ATF3: variants seen among roughly 807,000 people sequenced by gnomAD.
ATF3 encodes the protein activating transcription factor 3.
Under a neutral mutation model 18.4 loss-of-function variants are expected in ATF3, and 10 were observed. The observed-to-expected ratio is 0.54, with a 90% CI of 0.34 to 0.92. ATF3 has a LOEUF of 0.92. ATF3 is among the 40% of genes least tolerant of loss of function. The pLI is 0.02. For synonymous variants in ATF3, 78 were observed against 87.9 expected (o/e 0.89, Z 0.63); for missense variants, 183 against 222.3 (o/e 0.82, Z 1.12).
chr1:212,570,695 C>T (rs1273965150), intron 1 of ATF3, among the ~76,000 whole-genome samples: 3 of 152,084 alleles, frequency 2.0e-5, no homozygotes, highest in Non-Finnish European at 4.4e-5. Context: ...TGTTTTTGAC[C>T]TTTATATGGA....
At chr1:212,582,480 A>G (rs1664700588) in intron 1 of ATF3, among the ~76,000 whole-genome samples, 1 of 152,248 alleles carries the variant, frequency 6.6e-6, no homozygotes. Context: ...TCTCCCCCAC[A>G]AAGCTCTATT....
chr1:212,618,832 G>C lies in ATF3; in HGVS notation c.349-526G>C. The stretch of plus-strand genomic sequence containing the variant: ...GTGGTGCTCAGCAGTCTTTCCAGTG[G>C]CTGTGTCCCTCCTCCAAATGTGGAC... On this transcript the variant is annotated intron_variant, in intron 3 of 3. Coordinates refer to ENST00000341491, the MANE Select transcript of ATF3 (RefSeq NM_001674.4). The surrounding 1 kb of genome is among the most constrained non-coding windows in gnomAD (Gnocchi z 4.4). 1 of 632,900 alleles carries C rather than the reference G, an allele frequency of 1.6e-6. No homozygotes were observed. Among genetic ancestry groups the C allele is most frequent in the Non-Finnish European group, 2.8e-6 (1 of 360,268 alleles). 39.2% of individuals were successfully genotyped at this position (632,900 alleles called of 1,614,324 possible). A position where few individuals can be genotyped will look rare whatever the true frequency, so the allele number is the denominator to read the frequency against.
chr1:212,614,025 C>G (rs1290941031), intron 1 of ATF3: 1 of 152,158 alleles, frequency 6.6e-6, no homozygotes, highest in Non-Finnish European at 1.5e-5. Flanking sequence ...TTGATGACCC[C>G]ATCCCCACTT....
chr1:212,595,208 T>C (rs1339394201), intron 1 of ATF3, among the ~76,000 whole-genome samples: 1 of 152,208 alleles, frequency 6.6e-6, no homozygotes, highest in Non-Finnish European at 1.5e-5. Context: ...CCCCTAGGAC[T>C]CTTTGGCTCG....
intron 1 of ATF3, among the ~76,000 whole-genome samples, chr1:212,572,287 C>G (rs61526449): frequency 6.6e-6 from 1 of 151,874 alleles, no homozygotes; most frequent in African/African-American, 2.4e-5. Flanking sequence ...GAAGCAGAGG[C>G]GGGCGGATCC....
At chr1:212,584,613 C>A (rs1187908598) in intron 1 of ATF3, among the ~76,000 whole-genome samples, 1 of 152,200 alleles carries the variant, frequency 6.6e-6, no homozygotes, top group African/African-American at 2.4e-5. Flanking sequence ...CGATCTGCTT[C>A]CCTTGATCCA....
intron 1 of ATF3, among the ~76,000 whole-genome samples, chr1:212,610,322 G>T (rs1040040411): frequency 6.6e-6 from 1 of 152,218 alleles, no homozygotes. Context: ...TACCCCTTTC[G>T]TTGTAGGTGA....
chr1:212,603,182 G>A (rs1654531145), intron 1 of ATF3, among the ~76,000 whole-genome samples: 1 of 152,102 alleles, frequency 6.6e-6, no homozygotes, highest in Non-Finnish European at 1.5e-5. Context: ...AACTGGCATA[G>A]AGATGCTAGA....
upstream of ATF3, among the ~76,000 whole-genome samples, chr1:212,606,834 C>A (rs117138117): frequency 1.2e-3 from 177 of 152,128 alleles, 4 homozygotes; most frequent in East Asian, 0.029. Context: ...CGGGCTGCTC[C>A]GACACGCCCG....
At position 212,620,323 on chromosome 1, in the gene ATF3, G is replaced by A. The variant is rs1393854286; in HGVS notation, c.*768G>A. On this transcript the variant is annotated 3_prime_UTR_variant, in exon 4 of 4. Transcript: ENST00000341491. ...TCAGTTCCAAAGTCACAGGAAGAAA[G>A]CAGAAAGTTCAACTTCCAAAGGGTT... 3 of 153,026 alleles carry A rather than the reference G, an allele frequency of 2.0e-5. No homozygotes were observed. Among genetic ancestry groups the A allele is most frequent in the Admixed American group, 1.3e-4 (2 of 15,316 alleles). 9.5% of individuals were successfully genotyped at this position (153,026 alleles called of 1,614,324 possible).
chr1:212,599,295 G>A (rs1192175285), intron 1 of ATF3, among the ~76,000 whole-genome samples: 1 of 152,190 alleles, frequency 6.6e-6, no homozygotes. Context: ...TAAGTGTCTA[G>A]TTTGTCAGTT....
intron 1 of ATF3, among the ~76,000 whole-genome samples, chr1:212,611,173 A>G (rs1309898807): frequency 2.0e-5 from 3 of 152,240 alleles, no homozygotes; most frequent in Admixed American, 1.3e-4. Context: ...TCTTTCAAAT[A>G]TGTAATGCAG....
intron 1 of ATF3, among the ~76,000 whole-genome samples, chr1:212,569,605 CT>C (rs932223198): frequency 1.9e-4 from 28 of 147,720 alleles, no homozygotes; most frequent in Admixed American, 4.1e-4. Flanking sequence ...TTTTTTTTGG[CT>C]TTTTTTTTTC....
intron 1 of ATF3, among the ~76,000 whole-genome samples, chr1:212,568,183 A>G (rs1328554811): frequency 1.3e-5 from 2 of 152,216 alleles, no homozygotes; most frequent in African/African-American, 2.4e-5. Flanking sequence ...TGTCATTCAC[A>G]TGGAGAGTGG....
intron 1 of ATF3, among the ~76,000 whole-genome samples, chr1:212,579,807 G>C (rs771505281): frequency 6.6e-6 from 1 of 152,150 alleles, no homozygotes; most frequent in African/African-American, 2.4e-5. Context: ...GATCCCAGCC[G>C]ATGTGGAGTA....
At chr1:212,594,131 G>A (rs1664945016) in intron 1 of ATF3, among the ~76,000 whole-genome samples, 1 of 152,160 alleles carries the variant, frequency 6.6e-6, no homozygotes, top group East Asian at 1.9e-4. Flanking sequence ...AGCCCTCCCT[G>A]TGAAGTTAAA....
chr1:212,618,284 CA>C lies in ATF3; in HGVS notation c.348+51del, dbSNP rs766054084. The C allele has an allele frequency of 4.5e-6, 7 of 1,559,958 alleles. No homozygotes were observed. The East Asian group carries it at 1.6e-4, about 35-fold the overall frequency. Reference sequence around the variant, plus strand: ...TCCTCTCGCTCACGCCTGTCTTCACCAGCTTCATGTGGCTATCAGAAGAAGA... The same window carrying C: ...TCCTCTCGCTCACGCCTGTCTTCACCGCTTCATGTGGCTATCAGAAGAAGA... On this transcript the variant is annotated intron_variant, in intron 3 of 3. Coordinates refer to ENST00000341491, the MANE Select transcript of ATF3 (RefSeq NM_001674.4). The surrounding 1 kb of genome is among the most constrained non-coding windows in gnomAD (Gnocchi z 4.4).
At chr1:212,597,460 C>A (rs78878815) in intron 1 of ATF3, among the ~76,000 whole-genome samples, 160 of 131,862 alleles carry the variant, frequency 1.2e-3, no homozygotes, top group Non-Finnish European at 1.9e-3. Context: ...TCATCTATCT[C>A]TCTATCTAGC....
upstream of ATF3, among the ~76,000 whole-genome samples, chr1:212,603,858 G>GGT (rs1168991490): frequency 6.6e-6 from 1 of 151,642 alleles, no homozygotes; most frequent in Admixed American, 6.6e-5. Flanking sequence ...TTTTTAAGAA[G>GGT]AAAGACCATA....
Sources: gnomAD v4.1 joint callset for allele counts (sites outside exome capture counted in the v4.1 genomes callset) on GRCh38, gnomAD v4.1.1 for gene constraint, Gnocchi (gnomAD v3.1) non-coding constraint, MANE v1.5 for transcripts, NCBI Gene and HGNC (gene_info 2026-07-23, HGNC 2026-07-21) for gene names.